The following PDE11A variants were observed in gnomAD, a reference collection of about 807,000 sequenced individuals.
The protein encoded by PDE11A is phosphodiesterase 11A.
A neutral mutation model predicts 100.5 loss-of-function variants in PDE11A; 100 were observed. That is an observed-to-expected ratio of 1.00 (90% CI 0.85 to 1.18). The LOEUF is 1.18. PDE11A is among the 50% of genes most tolerant of loss of function. The pLI is 0.00. For missense variants in PDE11A, 1,141 were observed against 1,152.6 expected (o/e 0.99, Z 0.15); for synonymous variants, 381 against 420.8 (o/e 0.91, Z 1.16).
chr2:178,108,272 C>G (rs1353533132), exon 1 of PDE11A: 1 of 152,288 alleles, frequency 6.6e-6, no homozygotes, highest in Admixed American at 6.5e-5. Flanking sequence ...GCCACCTGGC[C>G]AGAGTCCACG....
chr2:178,070,464 G>T (rs535880932), intron 1 of PDE11A, among the ~76,000 whole-genome samples: 19 of 152,092 alleles, frequency 1.2e-4, no homozygotes, highest in Admixed American at 7.2e-4. Flanking sequence ...GAAACATGTA[G>T]CTCCCTGAGA....
Position 177,663,956 on chromosome 2 carries a change from TG to T in PDE11A, c.2563-8del, listed in dbSNP as rs776208751. ...GGTTCCGATCAAAAATTGCCTAGAA[TG>T]GGGGGCAGGAAGAACCTCGCTTTAT... is the stretch of plus-strand genomic sequence containing the variant. On this transcript the variant is annotated splice_polypyrimidine_tract_variant and splice_region_variant and intron_variant, in intron 18 of 19. Coordinates refer to ENST00000286063, the MANE Select transcript of PDE11A (RefSeq NM_016953.4). The T allele has an allele frequency of 5.0e-6, 8 of 1,595,564 alleles. No homozygotes were observed. In the African/African-American group the frequency reaches 5.4e-5, roughly 11 times the overall value.
chr2:177,697,499 T>A, intron 14 of PDE11A, 67 bp from the exon 15 acceptor site: 1 of 820,022 alleles, frequency 1.2e-6, no homozygotes, highest in South Asian at 1.4e-5. Flanking sequence ...ATGTTTTTCC[T>A]CTATTTAAAA....
At chr2:177,859,102 G>T (rs1002649199) in intron 5 of PDE11A, among the ~76,000 whole-genome samples, 42 of 152,174 alleles carry the variant, frequency 2.8e-4, no homozygotes, top group African/African-American at 9.4e-4. Flanking sequence ...GTCGTGGGGT[G>T]GGGGGATCGG....
chr2:177,869,621 A>G (rs1319980909), intron 5 of PDE11A, among the ~76,000 whole-genome samples: 1 of 152,210 alleles, frequency 6.6e-6, no homozygotes, highest in Non-Finnish European at 1.5e-5. Context: ...TTGATTAGTT[A>G]TCTTAATTAT....
intron 10 of PDE11A, among the ~76,000 whole-genome samples, chr2:177,757,980 T>C (rs143723070): frequency 2.6e-5 from 4 of 152,130 alleles, no homozygotes; most frequent in Admixed American, 6.5e-5. Flanking sequence ...CTGAATTACA[T>C]GACAGTCTTA....
chr2:177,657,216 G>A (rs369205370), intron 19 of PDE11A, among the ~76,000 whole-genome samples: 10 of 152,088 alleles, frequency 6.6e-5, no homozygotes, highest in Non-Finnish European at 1.2e-4. Flanking sequence ...AGATAAACAG[G>A]CTTTACTATC....
At chr2:177,861,563 A>G (rs1352842813) in intron 5 of PDE11A, among the ~76,000 whole-genome samples, 1 of 151,904 alleles carries the variant, frequency 6.6e-6, no homozygotes, top group African/African-American at 2.4e-5. Flanking sequence ...GGAGAGATTG[A>G]CAAGTTGATT....
In PDE11A at chr2:177,840,262, A is replaced by G; in HGVS notation, c.1489T>C (p.Phe497Leu). ...GGGGCTCCTCTTACCTCTGCATCAA[A>G]GCGCGGATCCTGGTAGGCATCACTG... is the stretch of plus-strand genomic sequence containing the variant. Reference protein sequence around the residue: ...NISDAYQDPRFDAEADQISGF... With the variant: ...NISDAYQDPRLDAEADQISGF... Residue 497 changes from phenylalanine (F) to leucine (L), a missense_variant, in exon 6 of 20, where the codon TTT becomes CTT. Phe to Leu is a conservative substitution (Grantham distance 22, BLOSUM62 0). Coordinates refer to ENST00000286063, the MANE Select transcript of PDE11A (RefSeq NM_016953.4). The G allele has an allele frequency of 6.2e-7, 1 of 1,614,176 alleles. No individual in the cohort carries two copies.
intron 2 of PDE11A, among the ~76,000 whole-genome samples, chr2:177,918,035 T>G (rs1006801466): frequency 7.2e-5 from 11 of 152,198 alleles, no homozygotes; most frequent in African/African-American, 2.7e-4. Flanking sequence ...ACAAAAGTGG[T>G]ACCTAGTAAA....
intron 12 of PDE11A, among the ~76,000 whole-genome samples, chr2:177,727,375 A>G (rs1381645840): frequency 1.3e-5 from 2 of 152,140 alleles, no homozygotes. Context: ...TACTTTAAAA[A>G]TCTGAGCATT....
chr2:177,635,555 G>A (rs1214645000), intron 19 of PDE11A, among the ~76,000 whole-genome samples: 3 of 152,024 alleles, frequency 2.0e-5, no homozygotes, highest in Non-Finnish European at 2.9e-5. Context: ...AGTTTATTCC[G>A]TATTTTATTT....
intron 2 of PDE11A, among the ~76,000 whole-genome samples, chr2:177,956,904 C>CT (rs2085570858): frequency 6.6e-6 from 1 of 151,756 alleles, no homozygotes; most frequent in Non-Finnish European, 1.5e-5. Context: ...ACACTGGGGA[C>CT]TGTTGTGGGG....
At chr2:178,073,326 A>T (rs1012158899), upstream of PDE11A, among the ~76,000 whole-genome samples, 1 of 152,212 alleles carries the variant, frequency 6.6e-6, no homozygotes, top group Non-Finnish European at 1.5e-5. Flanking sequence ...TTCCCCGAAA[A>T]TAGCAAATAA....
In PDE11A at chr2:177,845,360, G is replaced by C. The variant is rs1427613245; in HGVS notation, c.1368-4977C>G. Among the ~76,000 whole-genome samples, 1,411 of 149,464 alleles carry C rather than the reference G, an allele frequency of 9.4e-3. 25 individuals carry two copies. The highest frequency in any genetic ancestry group is 0.033 in the African/African-American group (1,326 of 40,318). On this transcript the variant is annotated intron_variant, in intron 5 of 19. Transcript: ENST00000286063. ...CTCCTCACCTCCCAGATGGGGTCTCGGCCGGGCAGAGGCGCTCCTCACATC... is the reference window on the plus strand; with the variant it reads ...CTCCTCACCTCCCAGATGGGGTCTCCGCCGGGCAGAGGCGCTCCTCACATC...
At chr2:178,066,873 A>C (rs889896469) in intron 1 of PDE11A, among the ~76,000 whole-genome samples, 1 of 152,104 alleles carries the variant, frequency 6.6e-6, no homozygotes, top group Non-Finnish European at 1.5e-5. Flanking sequence ...CTTGCTATGG[A>C]TTAGGGGACA....
chr2:177,890,045 T>C (rs866428367), intron 4 of PDE11A, among the ~76,000 whole-genome samples: 30 of 152,196 alleles, frequency 2.0e-4, no homozygotes, highest in Non-Finnish European at 2.5e-4. Flanking sequence ...CATTTGAATT[T>C]CAGTTTATTG....
rs867320566 is a variant in PDE11A, at chr2:177,818,325, A to G, written c.1577-400T>C. ...TATATATGTGTGTATATATATATATATATCATACTCTGAAGCACAATACTT... is the reference window on the plus strand; with the variant it reads ...TATATATGTGTGTATATATATATATGTATCATACTCTGAAGCACAATACTT... On this transcript the variant is annotated intron_variant, in intron 7 of 19. Coordinates refer to ENST00000286063, the MANE Select transcript of PDE11A (RefSeq NM_016953.4). Among the ~76,000 whole-genome samples the G allele has an allele frequency of 9.5e-3, 1,359 of 142,674 alleles. 14 individuals carry two copies. The highest frequency in any genetic ancestry group is 0.031 in the South Asian group (137 of 4,458). The allele number at this position is 142,674 out of a possible 152,430, so 93.6% of individuals were successfully genotyped here. A position where few individuals can be genotyped will look rare whatever the true frequency, so the allele number is the denominator to read the frequency against.
chr2:177,914,731 G>A (rs12463866), intron 2 of PDE11A, among the ~76,000 whole-genome samples: 50,639 of 151,932 alleles, frequency 0.33, 10,082 homozygotes, highest in East Asian at 0.53. Flanking sequence ...ATGAACATAC[G>A]AACATAAAAT....
Sources: allele counts gnomAD v4.1 joint callset (sites outside exome capture counted in the v4.1 genomes callset), GRCh38; gene constraint gnomAD v4.1.1; transcripts MANE v1.5; gene names NCBI Gene and HGNC (gene_info 2026-07-23, HGNC 2026-07-21).